Variants in TPRX1 observed in about 807,000 individuals in gnomAD.
TPRX1 encodes tetra-peptide repeat homeobox protein 1.
Under a neutral mutation model 8.1 loss-of-function variants are expected in TPRX1, and 2 were observed. The ratio of observed to expected loss-of-function variants is 0.25; its 90% CI spans 0.10 to 0.78. The LOEUF (loss-of-function observed/expected upper bound fraction) is 0.78, where lower values mean the gene tolerates loss of function less well. Ranked by LOEUF, TPRX1 falls within the 30% of genes least tolerant of loss-of-function variation. The pLI, the probability that TPRX1 is intolerant of heterozygous loss-of-function variation, is 0.70. For missense variants in TPRX1, 517 were observed against 586.9 expected (o/e 0.88, Z 1.23); for synonymous variants, 257 against 254.1 (o/e 1.01, Z -0.11).
intron 2 of TPRX1, among the ~76,000 whole-genome samples, chr19:47,814,571 A>G (rs1452709580): frequency 6.6e-6 from 1 of 151,960 alleles, no homozygotes; most frequent in Non-Finnish European, 1.5e-5. Context: ...CTTTAGGGAT[A>G]ATGGGGGCCT....
intron 2 of TPRX1, among the ~76,000 whole-genome samples, chr19:47,814,206 C>A (rs1276705212): frequency 6.6e-6 from 1 of 152,010 alleles, no homozygotes; most frequent in Non-Finnish European, 1.5e-5. Context: ...CAGGCACCCA[C>A]CACTACGCAG....
chr19:47,816,814 G>A (rs376184657), intron 2 of TPRX1, among the ~76,000 whole-genome samples: 131 of 152,148 alleles, frequency 8.6e-4, no homozygotes, highest in African/African-American at 2.6e-3. Flanking sequence ...TTACAGGCGT[G>A]AGCCACCACG....
chr19:47,808,467 C>T (rs1332283129), intron 2 of TPRX1, among the ~76,000 whole-genome samples: 1 of 150,476 alleles, frequency 6.6e-6, no homozygotes, highest in Admixed American at 6.7e-5. Context: ...GATCTGTCAC[C>T]CAGACTAAAG....
At chr19:47,806,288 G>A (rs752307568) in intron 2 of TPRX1, among the ~76,000 whole-genome samples, 1 of 152,134 alleles carries the variant, frequency 6.6e-6, no homozygotes, top group Non-Finnish European at 1.5e-5. Flanking sequence ...GGAGGCTGAG[G>A]TGGACGAATC....
exon 4 of TPRX1, chr19:47,802,269 GGTTCGGGCCTGA>G (rs1291469301): frequency 5.8e-6 from 9 of 1,563,648 alleles, no homozygotes; most frequent in South Asian, 1.2e-5. Flanking sequence ...ATCAGGCCTG[GGTTCGGGCCTGA>G]GATTGGGCCT....
At position 47,816,726 on chromosome 19, in the gene TPRX1, G is replaced by A. The variant is rs185599172; in HGVS notation, c.151+1742C>T. 6.2e-3 allele frequency among the ~76,000 whole-genome samples: 938 copies of A among 151,332 alleles called. 7 individuals are homozygous for A. The highest frequency in any genetic ancestry group is 0.02 in the South Asian group (97 of 4,794). On this transcript the variant is annotated intron_variant, in intron 2 of 3. Coordinates refer to ENST00000535759, the Ensembl canonical transcript of TPRX1. ...TTTTGTATTTTTTAGTAGAGATGGG[G>A]TTTCACCATGTTAGCCAGGATGGTC...
intron 2 of TPRX1, among the ~76,000 whole-genome samples, chr19:47,814,086 C>T (rs1361625520): frequency 6.6e-6 from 1 of 150,432 alleles, no homozygotes; most frequent in East Asian, 2.0e-4. Context: ...AGACAGAGTC[C>T]TGCTCTGTCA....
chr19:47,802,185 G>A (rs1345136821), exon 4 of TPRX1: 1 of 1,609,340 alleles, frequency 6.2e-7, no homozygotes, highest in Admixed American at 1.7e-5. Context: ...CCTGGGCCTG[G>A]GATCTGGGCT....
chr19:47,806,968 G>A (rs1967740918), intron 2 of TPRX1, among the ~76,000 whole-genome samples: 2 of 150,206 alleles, frequency 1.3e-5, no homozygotes, highest in Non-Finnish European at 3.0e-5. Context: ...GTAGTGGTGT[G>A]ATCTCGGCTT....
chr19:47,803,764 A>ACACTGCCT, intron 2 of TPRX1, 91 bp from the exon 2 acceptor site: 1 of 652,898 alleles, frequency 1.5e-6, no homozygotes, highest in Non-Finnish European at 2.5e-6. Context: ...CCAGGAGCCC[A>ACACTGCCT]GGCAGTGTGG....
chr19:47,818,297 TCCACCCATCCATCAC>T (rs1390789307), intron 2 of TPRX1, among the ~76,000 whole-genome samples: 203 of 125,102 alleles, frequency 1.6e-3, no homozygotes, highest in East Asian at 2.1e-3. Flanking sequence ...CATCCATCCA[TCCACCCATCCATCAC>T]CCATCCATCC....
At chr19:47,804,385 A>G (rs1005783357) in intron 2 of TPRX1, among the ~76,000 whole-genome samples, 130 bp downstream of exon 1, 2 of 152,096 alleles carry the variant, frequency 1.3e-5, no homozygotes, top group Non-Finnish European at 2.9e-5. Flanking sequence ...GACACCACTA[A>G]GTTCTCCCCC....
At chr19:47,801,448 A>G (rs746600795) in exon 4 of TPRX1, 9 of 240,922 alleles carry the variant, frequency 3.7e-5, no homozygotes, top group Non-Finnish European at 5.5e-5. Flanking sequence ...AAAAAGTCTC[A>G]CAATCCTAAG....
At chr19:47,804,764 C>A (rs1382097039) in intron 2 of TPRX1, among the ~76,000 whole-genome samples, 2 of 152,226 alleles carry the variant, frequency 1.3e-5, no homozygotes, top group East Asian at 1.9e-4. Flanking sequence ...CCTCAGTGGA[C>A]AACACAGCCT....
exon 4 of TPRX1, chr19:47,802,805 G>A (rs764017560): frequency 1.2e-6 from 2 of 1,601,288 alleles, no homozygotes; most frequent in African/African-American, 1.3e-5. Flanking sequence ...GCTGCAGATC[G>A]TGGGTTCCGC....
chr19:47,815,114 T>TTA (rs548380113), intron 2 of TPRX1, among the ~76,000 whole-genome samples: 7,445 of 63,258 alleles, frequency 0.12, 500 homozygotes, highest in East Asian at 0.14. Flanking sequence ...AATAGATAAA[T>TTA]TATATATATA....
At chr19:47,802,252 G>A in exon 4 of TPRX1, 2 of 1,597,130 alleles carry the variant, frequency 1.3e-6, no homozygotes, top group South Asian at 1.1e-5. Context: ...CTGGGATTGG[G>A]CCTGGGATCA....
Position 47,806,901 on chromosome 19 carries a change from G to T in TPRX1, c.152-3228C>A, listed in dbSNP as rs574666087. On this transcript the variant is annotated intron_variant, in intron 2 of 3. Transcript: ENST00000535759. ...ACAACTCTGCAAACAGACTAAAGAC[G>T]ATTTAATTTTTTTTTTTTGAGATGG... Among the ~76,000 whole-genome samples, 37 of 151,644 alleles carry T rather than the reference G, an allele frequency of 2.4e-4. No individual in the cohort carries two copies. The Middle Eastern group carries it at 0.01, about 42-fold the overall frequency.
At chr19:47,812,752 A>G (rs966198073) in intron 2 of TPRX1, among the ~76,000 whole-genome samples, 1 of 151,886 alleles carries the variant, frequency 6.6e-6, no homozygotes, top group Non-Finnish European at 1.5e-5. Flanking sequence ...GAAACACTGC[A>G]CTTCATCCTG....
Sources: gnomAD v4.1 joint callset for allele counts (sites outside exome capture counted in the v4.1 genomes callset) on GRCh38, gnomAD v4.1.1 for gene constraint, MANE v1.5 for transcripts, NCBI Gene and HGNC (gene_info 2026-07-23, HGNC 2026-07-21) for gene names.